The following MRPS6 variants were observed in gnomAD, a reference collection of about 807,000 sequenced individuals.
MRPS6 encodes small ribosomal subunit protein bS6m.
Under a neutral mutation model 13.1 loss-of-function variants are expected in MRPS6, and 6 were observed. The ratio of observed to expected loss-of-function variants is 0.46; its 90% CI spans 0.25 to 0.91. MRPS6 has a LOEUF of 0.91. MRPS6 is among the 40% of genes least tolerant of loss of function. MRPS6 has a pLI of 0.18. For missense variants in MRPS6, 164 were observed against 155.6 expected (o/e 1.05, Z -0.29); for synonymous variants, 61 against 56.5 (o/e 1.08, Z -0.36).
chr21:34,100,635 A>G, intron 1 of MRPS6: 2 of 1,000,042 alleles, frequency 2.0e-6, no homozygotes, highest in East Asian at 1.1e-4. Context: ...GGGACCCATC[A>G]CTCTGTGAAA....
chr21:34,100,960 T>C (rs1346416465), intron 1 of MRPS6: 2 of 999,990 alleles, frequency 2.0e-6, no homozygotes, highest in Non-Finnish European at 2.4e-6. Context: ...TTATGATGAT[T>C]CTCCTGGCTC....
chr21:34,075,000 G>A (rs1192854841), intron 1 of MRPS6, among the ~76,000 whole-genome samples: 1 of 152,202 alleles, frequency 6.6e-6, no homozygotes, highest in African/African-American at 2.4e-5. Context: ...GGATTTGGAA[G>A]AAGTTAAGAT....
chr21:34,141,549 C>T (rs1602973709), intron 2 of MRPS6, among the ~76,000 whole-genome samples: 1 of 152,154 alleles, frequency 6.6e-6, no homozygotes, highest in Non-Finnish European at 1.5e-5. Flanking sequence ...ACATGTATGC[C>T]TAGAACAAGG....
chr21:34,080,391 C>T (rs759552843), intron 1 of MRPS6, among the ~76,000 whole-genome samples: 3 of 152,080 alleles, frequency 2.0e-5, no homozygotes, highest in African/African-American at 4.8e-5. Context: ...TTTATATGCC[C>T]AGTAAACAAA....
At chr21:34,107,263 A>G (rs1026550622) in intron 1 of MRPS6, among the ~76,000 whole-genome samples, 1 of 152,218 alleles carries the variant, frequency 6.6e-6, no homozygotes, top group Non-Finnish European at 1.5e-5. Context: ...ATACAGGCCA[A>G]TCATTTTGTG....
In MRPS6 at chr21:34,097,080, G is replaced by A; in HGVS notation, c.45+23335G>A. 3 of 1,614,106 alleles carry A rather than the reference G, an allele frequency of 1.9e-6. No homozygotes were observed. In the South Asian group the frequency reaches 3.3e-5, roughly 18 times the overall value. On this transcript the variant is annotated intron_variant, in intron 1 of 2. Transcript: ENST00000399312. Reference sequence around the variant, plus strand: ...AGGTCATTCAGAGGCAGAAACACCAGTTGACGCTTACTCCAATGGGCAAGC... The same window carrying A: ...AGGTCATTCAGAGGCAGAAACACCAATTGACGCTTACTCCAATGGGCAAGC...
chr21:34,100,069 T>C, intron 1 of MRPS6: 4 of 996,882 alleles, frequency 4.0e-6, no homozygotes, highest in Non-Finnish European at 4.8e-6. Context: ...CTTTAGACAT[T>C]AACATGTGTA....
intron 2 of MRPS6, among the ~76,000 whole-genome samples, chr21:34,136,665 G>A (rs1434715594): frequency 6.6e-6 from 1 of 152,090 alleles, no homozygotes; most frequent in Non-Finnish European, 1.5e-5. Flanking sequence ...TTTAAATTAA[G>A]TTTTGAGAGT....
At chr21:34,094,137 C>T (rs993492008) in intron 1 of MRPS6, among the ~76,000 whole-genome samples, 1 of 152,190 alleles carries the variant, frequency 6.6e-6, no homozygotes, top group African/African-American at 2.4e-5. Flanking sequence ...CTTCTTGCAG[C>T]ATCTTCTAAC....
intron 1 of MRPS6, chr21:34,099,268 A>G: frequency 1.0e-6 from 1 of 1,000,064 alleles, no homozygotes; most frequent in Non-Finnish European, 1.2e-6. Context: ...TCTTGTTTGG[A>G]AGTTGAGGCT....
At chr21:34,125,269 C>T (rs1683266164) in intron 1 of MRPS6, 72 bp from the exon 2 acceptor site, 1 of 1,569,398 alleles carries the variant, frequency 6.4e-7, no homozygotes, top group Non-Finnish European at 8.6e-7. Flanking sequence ...ACTGAGCAGA[C>T]TTAATCATTC....
At chr21:34,079,442 T>G (rs982625353) in intron 1 of MRPS6, among the ~76,000 whole-genome samples, 1 of 150,504 alleles carries the variant, frequency 6.6e-6, no homozygotes, top group Non-Finnish European at 1.5e-5. Flanking sequence ...TTCTTCTTCT[T>G]TCTGTTTTTT....
intron 1 of MRPS6, among the ~76,000 whole-genome samples, chr21:34,110,877 A>G (rs1979669980): frequency 6.6e-6 from 1 of 152,226 alleles, no homozygotes; most frequent in South Asian, 2.1e-4. Context: ...GCATTGTGCT[A>G]GATAAGCTTC....
chr21:34,139,595 T>C (rs566224725), intron 2 of MRPS6, among the ~76,000 whole-genome samples: 1 of 152,210 alleles, frequency 6.6e-6, no homozygotes. Flanking sequence ...TGCTTTTTTT[T>C]GAGACAGAGT....
chr21:34,102,776 G>A (rs2148662009), intron 1 of MRPS6: 1 of 1,000,062 alleles, frequency 1.0e-6, no homozygotes, highest in Non-Finnish European at 1.2e-6. Flanking sequence ...CTATACCACT[G>A]AAAAGCACTA....
chr21:34,140,898 A>G (rs1287644669), intron 2 of MRPS6, among the ~76,000 whole-genome samples: 3 of 152,126 alleles, frequency 2.0e-5, no homozygotes, highest in Non-Finnish European at 4.4e-5. Context: ...TGGTTGGTAT[A>G]TATTTTTCTG....
chr21:34,099,785 C>T (rs757521950), intron 1 of MRPS6: 3 of 803,894 alleles, frequency 3.7e-6, no homozygotes, highest in Non-Finnish European at 4.6e-6. Context: ...TGACTATTAG[C>T]ATATTCATTA....
chr21:34,095,597 C>G, intron 1 of MRPS6: 1 of 1,613,474 alleles, frequency 6.2e-7, no homozygotes, highest in Non-Finnish European at 8.5e-7. Flanking sequence ...CTCTGATTCT[C>G]TATATTTTCA....
chr21:34,092,905 C>T (rs905673489), intron 1 of MRPS6, among the ~76,000 whole-genome samples: 1 of 152,146 alleles, frequency 6.6e-6, no homozygotes, highest in Admixed American at 6.5e-5. Flanking sequence ...AACAAGTGGC[C>T]TGAGGATGAC....
Sources: gnomAD v4.1 joint callset for allele counts (sites outside exome capture counted in the v4.1 genomes callset) on GRCh38, gnomAD v4.1.1 for gene constraint, MANE v1.5 for transcripts, NCBI Gene and HGNC (gene_info 2026-07-23, HGNC 2026-07-21) for gene names.